Variants in UBXN4 observed in about 807,000 individuals in gnomAD.
UBXN4 encodes UBX domain protein 4, also known as UBX domain-containing protein 4.
Under a neutral mutation model 66.2 loss-of-function variants are expected in UBXN4, and 35 were observed. The ratio of observed to expected loss-of-function variants is 0.53; its 90% CI spans 0.40 to 0.70. The LOEUF (loss-of-function observed/expected upper bound fraction) is 0.70. UBXN4 is among the 30% of genes least tolerant of loss of function. The pLI, the probability that UBXN4 is intolerant of heterozygous loss-of-function variation, is 0.00. For missense variants in UBXN4, 533 were observed against 599.8 expected, an observed-to-expected ratio of 0.89 and a Z score of 1.16; for synonymous variants, 203 against 204.5, an observed-to-expected ratio of 0.99 and a Z score of 0.06.
intron 1 of UBXN4, chr2:135,747,976 C>T (rs3820794): frequency 0.65 from 213,589 of 330,078 alleles, 74,141 homozygotes; most frequent in Non-Finnish European, 0.76. Flanking sequence ...GGCACTGCAC[C>T]GATGACTGCT....
intron 7 of UBXN4, 63 bp downstream of exon 7, chr2:135,769,886 C>T (rs2077372884): frequency 2.1e-6 from 2 of 937,288 alleles, no homozygotes; most frequent in Non-Finnish European, 3.2e-6. Flanking sequence ...ATTGATTATT[C>T]TATTCAGTGT....
chr2:135,756,097 TA>T lies in UBXN4; in HGVS notation c.508+407del, dbSNP rs772515134. Among the ~76,000 whole-genome samples the T allele has an allele frequency of 1.3e-4, 20 of 152,262 alleles. No individual in the cohort carries two copies. In the East Asian group the frequency reaches 1.9e-3, roughly 15 times the overall value. On this transcript the variant is annotated intron_variant, in intron 5 of 12. Transcript: ENST00000272638. ...AAATTTAAGAGAATAGTGTTATATA[TA>T]TTTTTTTTGATTAGAGGTAAAAGAT...
chr2:135,773,167 T>G (rs1253625463), intron 9 of UBXN4, among the ~76,000 whole-genome samples: 4 of 151,972 alleles, frequency 2.6e-5, no homozygotes, highest in African/African-American at 4.8e-5. Flanking sequence ...GAATCCCCTA[T>G]CCGATAGGAT....
intron 1 of UBXN4, among the ~76,000 whole-genome samples, chr2:135,746,809 T>C (rs529687569): frequency 6.6e-6 from 1 of 152,256 alleles, no homozygotes; most frequent in East Asian, 1.9e-4. Context: ...TCAAGCGCCC[T>C]GTAAGGACTT....
At chr2:135,761,740 C>A in intron 5 of UBXN4, 78 bp from the exon 6 acceptor site, 2 of 1,210,972 alleles carry the variant, frequency 1.7e-6, no homozygotes, top group Non-Finnish European at 2.3e-6. Flanking sequence ...TTAACAGATG[C>A]TATAATCTGA....
rs566304152 is a variant in UBXN4, at chr2:135,784,095, C to T, written c.*1208C>T. Reference sequence around the variant, plus strand: ...GGCAAGGAAACAGCAACACAGGCTGCGCTGTTGGTAGGAGTGAAAACCAGT... The same window carrying T: ...GGCAAGGAAACAGCAACACAGGCTGTGCTGTTGGTAGGAGTGAAAACCAGT... On this transcript the variant is annotated 3_prime_UTR_variant, in exon 13 of 13. Coordinates refer to ENST00000272638, the MANE Select transcript of UBXN4 (RefSeq NM_014607.4). The T allele has an allele frequency of 3.0e-4, 46 of 152,184 alleles. 1 individual carries two copies. The highest frequency in any genetic ancestry group is 1.1e-3 in the African/African-American group (45 of 41,570). 9.4% of individuals were successfully genotyped at this position (152,184 alleles called of 1,614,324 possible).
At chr2:135,755,806 C>A in intron 5 of UBXN4, 115 bp downstream of exon 5, 1 of 713,014 alleles carries the variant, frequency 1.4e-6, no homozygotes, top group Non-Finnish European at 1.8e-6. Context: ...ATTTATTTAA[C>A]TTAAAATTTA....
intron 1 of UBXN4, 128 bp downstream of exon 1, chr2:135,742,139 C>T (rs1366427364): frequency 9.1e-7 from 1 of 1,100,898 alleles, no homozygotes; most frequent in African/African-American, 1.6e-5. Context: ...ACAATTGCCA[C>T]TACTACCCCG....
At chr2:135,768,292 A>G (rs2077359763) in intron 6 of UBXN4, among the ~76,000 whole-genome samples, 1 of 151,906 alleles carries the variant, frequency 6.6e-6, no homozygotes, top group Non-Finnish European at 1.5e-5. Context: ...TCCGCCCCCC[A>G]GGTTCAAGCG....
chr2:135,755,684 T>A lies in UBXN4; in HGVS notation c.501T>A (p.Thr167=). ...CCACTTCTGATACAAAGTCAGATAC[T>A]GCAACAGGTAACTTTTAATGTACCT... ...IPPTSDTKSD[T]ATGGESAGHA... is the part of the protein sequence containing the mutation. The change falls in exon 5 of 13, where the codon ACT becomes ACA. Residue 167 remains threonine (T), a synonymous_variant. Transcript: ENST00000272638. 1 of 1,516,892 alleles carries A rather than the reference T, an allele frequency of 6.6e-7. No individual in the cohort carries two copies. The highest frequency in any genetic ancestry group is 8.9e-7 in the Non-Finnish European group (1 of 1,129,250). 94.0% of individuals were successfully genotyped at this position (1,516,892 alleles called of 1,614,324 possible).
rs59946844 is a variant in UBXN4 at position 135,745,875 on chromosome 2, CTTTT to C, written c.83-2374_83-2371del. On this transcript the variant is annotated intron_variant, in intron 1 of 12. Transcript: ENST00000272638. ...TGTGGATGCATTCTAGTCCCGTTTACTTTTTTTTTTTTTTTTTTTTTGAGATGGA... is the reference window on the plus strand; with the variant it reads ...TGTGGATGCATTCTAGTCCCGTTTACTTTTTTTTTTTTTTTTTGAGATGGA... Among the ~76,000 whole-genome samples, 92 of 74,408 alleles carry C rather than the reference CTTTT, an allele frequency of 1.2e-3. 2 individuals carry two copies. Among genetic ancestry groups the C allele is most frequent in the Middle Eastern group, 0.018 (1 of 56 alleles). The allele number at this position is 74,408 out of a possible 152,430, so 48.8% of individuals were successfully genotyped here. A position where few individuals can be genotyped will look rare whatever the true frequency, so the allele number is the denominator to read the frequency against.
intron 9 of UBXN4, among the ~76,000 whole-genome samples, chr2:135,775,754 A>T (rs2077410800): frequency 6.6e-6 from 1 of 152,108 alleles, no homozygotes; most frequent in African/African-American, 2.4e-5. Flanking sequence ...ACTGAACTGT[A>T]CACTTTAAAA....
intron 4 of UBXN4, 23 bp from the exon 5 acceptor site, chr2:135,755,494 A>G: frequency 6.6e-7 from 1 of 1,525,562 alleles, no homozygotes; most frequent in Admixed American, 1.9e-5. Context: ...TATTAATTAA[A>G]ATCCAATTTA....
chr2:135,751,952 G>A (rs536892424), intron 2 of UBXN4, among the ~76,000 whole-genome samples: 21 of 152,056 alleles, frequency 1.4e-4, no homozygotes, highest in Non-Finnish European at 3.1e-4. Context: ...CCCTTCTCTG[G>A]AGGGAACCAA....
intron 6 of UBXN4, among the ~76,000 whole-genome samples, chr2:135,765,728 T>G (rs879405903): frequency 3.3e-5 from 5 of 152,010 alleles, no homozygotes; most frequent in Non-Finnish European, 7.4e-5. Flanking sequence ...ATGCAGCTCC[T>G]AGGAAGACAT....
intron 5 of UBXN4, among the ~76,000 whole-genome samples, chr2:135,757,431 G>A (rs148262936): frequency 1.4e-3 from 211 of 152,182 alleles, no homozygotes; most frequent in African/African-American, 4.9e-3. Flanking sequence ...CTTCATCTAC[G>A]TTTTATTCTT....
chr2:135,780,128 C>A, intron 11 of UBXN4, 55 bp from the exon 12 acceptor site: 2 of 1,554,094 alleles, frequency 1.3e-6, no homozygotes, highest in Non-Finnish European at 1.8e-6. Context: ...GAACCTTGGG[C>A]GTGATGTGAT....
intron 9 of UBXN4, among the ~76,000 whole-genome samples, chr2:135,773,890 C>A (rs1355059797): frequency 6.6e-6 from 1 of 152,090 alleles, no homozygotes; most frequent in Non-Finnish European, 1.5e-5. Context: ...GACCTAAATA[C>A]CTGGAAAGTA....
In UBXN4 at chr2:135,772,694, C is replaced by G. The variant is rs73958633; in HGVS notation, c.950+147C>G. 7,506 of 1,055,424 alleles carry G rather than the reference C, an allele frequency of 7.1e-3. 362 individuals are homozygous for G. In the African/African-American group the frequency reaches 0.11, roughly 15 times the overall value. The allele number at this position is 1,055,424 out of a possible 1,614,324, so 65.4% of individuals were successfully genotyped here. On this transcript the variant is annotated intron_variant, in intron 9 of 12. Coordinates refer to ENST00000272638, the MANE Select transcript of UBXN4 (RefSeq NM_014607.4). ...AATTTGACAGCTCCCAATGGTATCT[C>G]TCATTTCGTGTGAGTGTACACTAAA... is the stretch of plus-strand genomic sequence containing the variant.
Sources: gnomAD v4.1 joint callset for allele counts (sites outside exome capture counted in the v4.1 genomes callset) on GRCh38, gnomAD v4.1.1 for gene constraint, MANE v1.5 for transcripts, NCBI Gene and HGNC (gene_info 2026-07-23, HGNC 2026-07-21) for gene names.